The following R3HDM4 variants were observed in gnomAD, a reference collection of about 807,000 sequenced individuals.
R3HDM4 encodes the protein R3H domain containing 4.
Under a neutral mutation model 31.3 loss-of-function variants are expected in R3HDM4, and 30 were observed. That is an observed-to-expected ratio of 0.96 (90% CI 0.72 to 1.30). The LOEUF is 1.30. Ranked by LOEUF, R3HDM4 falls within the 50% of genes most tolerant of loss-of-function variation. The probability of loss-of-function intolerance (pLI) is 0.00; values close to 1 mark genes in which losing one functional copy is unlikely to be tolerated. For missense variants in R3HDM4, 444 were observed against 366.1 expected, an observed-to-expected ratio of 1.21 and a Z score of -1.74; for synonymous variants, 196 against 156.6, an observed-to-expected ratio of 1.25 and a Z score of -1.88.
At chr19:902,365 T>G (rs561828917) in intron 1 of R3HDM4, 1 of 523,876 alleles carries the variant, frequency 1.9e-6, no homozygotes, top group East Asian at 3.2e-5. Flanking sequence ...ATCCCAGCAT[T>G]GTGGGAGGCT....
intron 1 of R3HDM4, among the ~76,000 whole-genome samples, chr19:909,274 C>T (rs1163783958): frequency 6.6e-6 from 1 of 152,192 alleles, no homozygotes; most frequent in Admixed American, 6.5e-5. Flanking sequence ...TGGTCCCTCC[C>T]CCAGGAACCC....
intron 1 of R3HDM4, among the ~76,000 whole-genome samples, chr19:911,287 TACA>T (rs935289928): frequency 6.6e-6 from 1 of 150,644 alleles, no homozygotes; most frequent in Non-Finnish European, 1.5e-5. Flanking sequence ...CTACTAAAAA[TACA>T]ACAATTAGCT....
rs2036794326 is a variant in R3HDM4 at position 899,514 on chromosome 19, G to C, written c.648-19C>G. 6.2e-7 allele frequency: 1 copy of C among 1,613,538 alleles called. No individual in the cohort carries two copies. The highest frequency in any genetic ancestry group is 8.5e-7 in the Non-Finnish European group (1 of 1,179,866). ...CTCGAAGCTGTGGGGAACGGGCAGT[G>C]AGCGCCGTGCAGGGGCTGCAGCGTG... On this transcript the variant is annotated intron_variant, in intron 6 of 7. Transcript: ENST00000361574. The surrounding 1 kb of genome is among the most constrained non-coding windows in gnomAD (Gnocchi z 6.8).
Position 902,923 on chromosome 19 carries a change from C to T in R3HDM4, c.72-793G>A, listed in dbSNP as rs531251269. Among the ~76,000 whole-genome samples, 69 of 152,222 alleles carry T rather than the reference C, an allele frequency of 4.5e-4. 2 individuals carry two copies. The South Asian group carries it at 0.013, about 28-fold the overall frequency. ...TGCCACCGCACTCCAGCCTGGGCGA[C>T]GGAGTGAGACCTTGTCTCAAAAAAA... On this transcript the variant is annotated intron_variant, in intron 1 of 7. Coordinates refer to ENST00000361574, the MANE Select transcript of R3HDM4 (RefSeq NM_138774.4).
rs1052874587 is a variant in R3HDM4 at position 900,850 on chromosome 19, G to A, written c.454C>T (p.Arg152Cys). The A allele has an allele frequency of 4.2e-6, 6 of 1,415,398 alleles. No homozygotes were observed. The highest frequency in any genetic ancestry group is 5.7e-6 in the Non-Finnish European group (6 of 1,060,882). The allele number at this position is 1,415,398 out of a possible 1,614,324, so 87.7% of individuals were successfully genotyped here. Residue 152 changes from arginine to cysteine, a missense_variant, in exon 4 of 8, where the codon CGT (arginine) becomes TGT (cysteine). By Grantham distance (180) the Arg-to-Cys change is radical. Transcript: ENST00000361574. ...GCACCTCTCCTCCGGTCCTCCCCAC[G>A]GCCAGGGCCCCTCCTCCGCGCCTTG... ...RSKARRRGPG[R>C]GEDRRREDPA...
In R3HDM4 at chr19:902,021, CG is replaced by C. The variant is rs1568340830; in HGVS notation, c.180del (p.Val61CysfsTer20). The part of the protein sequence containing the change: ...FINQAVRNSD[L>X]VPKAKGRKSL... ...CTCTTCCGCCCCTTGGCCTTGGGCA[CG>C]AGGTCTGAGTTCCGCACTGCCTGGT... is the stretch of plus-strand genomic sequence containing the variant. On this transcript the variant is annotated frameshift_variant, in exon 2 of 8. Coordinates refer to ENST00000361574, the MANE Select transcript of R3HDM4 (RefSeq NM_138774.4). LOFTEE classifies it high-confidence loss of function. 1.9e-6 allele frequency: 3 copies of C among 1,613,900 alleles called. No homozygotes were observed. Among genetic ancestry groups the C allele is most frequent in the Non-Finnish European group, 2.5e-6 (3 of 1,180,012 alleles).
In R3HDM4 at chr19:899,764, G is replaced by T; in HGVS notation, c.562-78C>A. On this transcript the variant is annotated intron_variant, in intron 5 of 7. Coordinates refer to ENST00000361574, the MANE Select transcript of R3HDM4 (RefSeq NM_138774.4). The surrounding 1 kb of genome is among the most constrained non-coding windows in gnomAD (Gnocchi z 6.8). The stretch of plus-strand genomic sequence containing the variant: ...CCAGGGAGGTCCAGGGCCCCCAGGA[G>T]CCCACAGCGCTGGGCTCAAACATGA... 8.4e-7 allele frequency: 1 copy of T among 1,197,382 alleles called. No homozygotes were observed. The highest frequency in any genetic ancestry group is 1.2e-6 in the Non-Finnish European group (1 of 868,226). The allele number at this position is 1,197,382 out of a possible 1,614,324, so 74.2% of individuals were successfully genotyped here. A position where few individuals can be genotyped will look rare whatever the true frequency, so the allele number is the denominator to read the frequency against.
chr19:898,845 A>AG (rs1224810942), intron 7 of R3HDM4, among the ~76,000 whole-genome samples: 1 of 152,130 alleles, frequency 6.6e-6, no homozygotes, highest in Admixed American at 6.5e-5. Context: ...GAGGGAACAG[A>AG]GGGAGGCATC....
At chr19:897,854 C>T (rs10407176) in intron 7 of R3HDM4, among the ~76,000 whole-genome samples, 9,361 of 152,310 alleles carry the variant, frequency 0.061, 857 homozygotes, top group African/African-American at 0.21. Flanking sequence ...GCCTGCCTGG[C>T]GGAGTGTCCG....
chr19:901,768 G>GGCCCA, intron 2 of R3HDM4: 1 of 727,292 alleles, frequency 1.4e-6, no homozygotes, highest in Non-Finnish European at 2.2e-6. Context: ...TGCCCGGGGC[G>GGCCCA]CCCTCCCACC....
At chr19:901,320 G>T in intron 3 of R3HDM4, 102 bp downstream of exon 3, 1 of 1,291,510 alleles carries the variant, frequency 7.7e-7, no homozygotes, top group Non-Finnish European at 1.1e-6. Context: ...GATCAGAAGT[G>T]GGCGGGTGCT....
intron 1 of R3HDM4, among the ~76,000 whole-genome samples, chr19:905,032 C>A (rs770996408): frequency 4.6e-5 from 7 of 151,974 alleles, no homozygotes; most frequent in Non-Finnish European, 7.4e-5. Context: ...CATGGTGAAA[C>A]CCCGTCTCTA....
At chr19:910,505 G>T (rs1028195601) in intron 1 of R3HDM4, among the ~76,000 whole-genome samples, 1 of 152,034 alleles carries the variant, frequency 6.6e-6, no homozygotes, top group Non-Finnish European at 1.5e-5. Flanking sequence ...GGTAGCTCAC[G>T]CCTGTAATCC....
intron 1 of R3HDM4, among the ~76,000 whole-genome samples, chr19:908,791 C>G (rs1289439968): frequency 6.6e-6 from 1 of 151,096 alleles, no homozygotes; most frequent in Non-Finnish European, 1.5e-5. Flanking sequence ...GTCAGCCTTA[C>G]CAGGAAGCTC....
In R3HDM4 at chr19:899,987, C is replaced by A. The variant is rs1373410882; in HGVS notation, c.561+74G>T. The A allele has an allele frequency of 2.1e-6, 3 of 1,446,664 alleles. No homozygotes were observed. Among genetic ancestry groups the A allele is most frequent in the Admixed American group, 1.7e-5 (1 of 58,914 alleles). 89.6% of individuals were successfully genotyped at this position (1,446,664 alleles called of 1,614,324 possible). ...TGACACGACCTGCACCGGGTGAGAA[C>A]CTGTGCCTGGGAAACGGGCCTTCAA... On this transcript the variant is annotated intron_variant, in intron 5 of 7. Transcript: ENST00000361574. This position sits in a 1 kb window ranked among gnomAD's most constrained non-coding sequence, Gnocchi z 6.8.
In R3HDM4 at chr19:899,558, C is replaced by A; in HGVS notation, c.647+43G>T. ...CAGCGTGGGGTGTCCGCCCACCTGGCCGCAGCCTCGGAGGGTCCGCTCGCC... is the reference window on the plus strand; with the variant it reads ...CAGCGTGGGGTGTCCGCCCACCTGGACGCAGCCTCGGAGGGTCCGCTCGCC... On this transcript the variant is annotated intron_variant, in intron 6 of 7. Coordinates refer to ENST00000361574, the MANE Select transcript of R3HDM4 (RefSeq NM_138774.4). This position sits in a 1 kb window ranked among gnomAD's most constrained non-coding sequence, Gnocchi z 6.8. 6.2e-7 allele frequency: 1 copy of A among 1,612,338 alleles called. No homozygotes were observed. The highest frequency in any genetic ancestry group is 1.1e-5 in the South Asian group (1 of 91,028).
intron 7 of R3HDM4, among the ~76,000 whole-genome samples, chr19:898,550 G>C: frequency 6.6e-6 from 1 of 152,070 alleles, no homozygotes; most frequent in Non-Finnish European, 1.5e-5. Context: ...AGTGAGTAAA[G>C]ATTACGCCAC....
At chr19:902,840 G>A (rs1367326438) in intron 1 of R3HDM4, among the ~76,000 whole-genome samples, 1 of 151,918 alleles carries the variant, frequency 6.6e-6, no homozygotes, top group East Asian at 1.9e-4. Flanking sequence ...TACTCAGGAG[G>A]CTGAAGTGAG....
At position 899,378 on chromosome 19, in the gene R3HDM4, C is replaced by T; in HGVS notation, c.703+62G>A. On this transcript the variant is annotated intron_variant, in intron 7 of 7. Coordinates refer to ENST00000361574, the MANE Select transcript of R3HDM4 (RefSeq NM_138774.4). The surrounding 1 kb of genome is among the most constrained non-coding windows in gnomAD (Gnocchi z 6.8). Reference sequence around the variant, plus strand: ...ACTCTGAGGAACCAGGCCCCTGGGACCCTGGCCACTTTCCCAGGTTGAGCT... The same window carrying T: ...ACTCTGAGGAACCAGGCCCCTGGGATCCTGGCCACTTTCCCAGGTTGAGCT... 6.4e-7 allele frequency: 1 copy of T among 1,551,860 alleles called. No homozygotes were observed. The highest frequency in any genetic ancestry group is 8.9e-7 in the Non-Finnish European group (1 of 1,124,286).
Sources: allele counts gnomAD v4.1 joint callset (sites outside exome capture counted in the v4.1 genomes callset), GRCh38; gene constraint gnomAD v4.1.1; non-coding constraint Gnocchi (gnomAD v3.1); transcripts MANE v1.5; gene names NCBI Gene and HGNC (gene_info 2026-07-23, HGNC 2026-07-21).